Variants in SLC25A21 observed in about 807,000 individuals in gnomAD.
SLC25A21 encodes solute carrier family 25 member 21, also known as mitochondrial 2-oxodicarboxylate carrier.
SLC25A21 carries 47 observed loss-of-function variants against 43.8 expected under a neutral mutation model. That is an observed-to-expected ratio of 1.07 (90% confidence interval 0.85 to 1.37). The LOEUF is 1.37. SLC25A21 is among the 40% of genes most tolerant of loss of function. The probability of loss-of-function intolerance (pLI) is 0.00; values close to 1 mark genes in which losing one functional copy is unlikely to be tolerated. For missense variants in SLC25A21, 352 were observed against 350.2 expected (o/e 1.00, Z -0.04); for synonymous variants, 131 against 121.3 (o/e 1.08, Z -0.52).
intron 3 of SLC25A21, among the ~76,000 whole-genome samples, chr14:36,739,060 C>A (rs1025814310): frequency 6.6e-6 from 1 of 152,082 alleles, no homozygotes; most frequent in Admixed American, 6.5e-5. Flanking sequence ...CCAGGCTATA[C>A]TGTATAGCTT....
chr14:36,680,493 T>C lies in SLC25A21; in HGVS notation c.*165A>G, dbSNP rs2139132012. Reference sequence around the variant, plus strand: ...TTTATTTATACAGCCAAAACTATAATCTCAAGTTGCCTATAGACATTTTTT... The same window carrying C: ...TTTATTTATACAGCCAAAACTATAACCTCAAGTTGCCTATAGACATTTTTT... On this transcript the variant is annotated 3_prime_UTR_variant, in exon 10 of 10. Coordinates refer to ENST00000331299, the MANE Select transcript of SLC25A21 (RefSeq NM_030631.4). 2 of 1,253,172 alleles carry C rather than the reference T, an allele frequency of 1.6e-6. No homozygotes were observed. The highest frequency in any genetic ancestry group is 3.1e-5 in the East Asian group (1 of 32,776). 77.6% of individuals were successfully genotyped at this position (1,253,172 alleles called of 1,614,324 possible).
chr14:37,086,537 A>G (rs1962490061), intron 1 of SLC25A21, among the ~76,000 whole-genome samples: 1 of 152,198 alleles, frequency 6.6e-6, no homozygotes, highest in Non-Finnish European at 1.5e-5. Flanking sequence ...ATCCTCAACT[A>G]CTTAACCAAA....
intron 1 of SLC25A21, among the ~76,000 whole-genome samples, chr14:37,031,700 C>A (rs1409547176): frequency 6.6e-6 from 1 of 152,128 alleles, no homozygotes; most frequent in African/African-American, 2.4e-5. Flanking sequence ...GTAAAATATT[C>A]ACTCCTACTT....
intron 1 of SLC25A21, among the ~76,000 whole-genome samples, chr14:37,028,232 A>T (rs1961135313): frequency 6.6e-6 from 1 of 152,106 alleles, no homozygotes; most frequent in Admixed American, 6.6e-5. Context: ...CAACATTGGT[A>T]TACCAATAGT....
chr14:36,816,536 C>T (rs1888462829), intron 2 of SLC25A21, among the ~76,000 whole-genome samples: 1 of 144,252 alleles, frequency 6.9e-6, no homozygotes, highest in South Asian at 2.2e-4. Flanking sequence ...CTTGCTCTGT[C>T]CCCAGGGTGG....
chr14:37,127,095 A>C (rs572704732), intron 1 of SLC25A21, among the ~76,000 whole-genome samples: 1 of 152,296 alleles, frequency 6.6e-6, no homozygotes, highest in African/African-American at 2.4e-5. Context: ...AAAAAGAAGA[A>C]AGTGATAGAG....
chr14:36,899,407 A>C (rs892150176), intron 1 of SLC25A21, among the ~76,000 whole-genome samples: 1 of 152,224 alleles, frequency 6.6e-6, no homozygotes, highest in African/African-American at 2.4e-5. Flanking sequence ...TAGGGTTTCA[A>C]CCTACTCTTG....
chr14:36,786,496 CAGG>C (rs1373389461), intron 3 of SLC25A21, among the ~76,000 whole-genome samples: 2 of 152,208 alleles, frequency 1.3e-5, no homozygotes, highest in Non-Finnish European at 2.9e-5. Context: ...GACAACTAGT[CAGG>C]AGATTTGCTG....
intron 3 of SLC25A21, among the ~76,000 whole-genome samples, chr14:36,748,012 A>T (rs1885563746): frequency 6.6e-6 from 1 of 152,218 alleles, no homozygotes; most frequent in Admixed American, 6.5e-5. Context: ...TACAATTATT[A>T]TCCCATTCAA....
At chr14:36,867,556 T>G (rs181036228) in intron 2 of SLC25A21, among the ~76,000 whole-genome samples, 101 of 152,254 alleles carry the variant, frequency 6.6e-4, no homozygotes, top group Non-Finnish European at 7.5e-4. Flanking sequence ...CCAAGGCTCT[T>G]CTGCCCAGAA....
chr14:36,764,680 C>A (rs1179761177), intron 3 of SLC25A21, among the ~76,000 whole-genome samples: 2 of 151,460 alleles, frequency 1.3e-5, no homozygotes, highest in Non-Finnish European at 2.9e-5. Context: ...TGGCTTAGGA[C>A]CCAGCATGCT....
At chr14:37,002,968 G>C (rs1053191201) in intron 1 of SLC25A21, among the ~76,000 whole-genome samples, 1 of 152,092 alleles carries the variant, frequency 6.6e-6, no homozygotes, top group African/African-American at 2.4e-5. Flanking sequence ...TCTTCTTAGG[G>C]TATACCCAAC....
intron 1 of SLC25A21, among the ~76,000 whole-genome samples, chr14:37,026,972 CA>C (rs1460329002): frequency 1.3e-5 from 2 of 152,096 alleles, no homozygotes; most frequent in Non-Finnish European, 2.9e-5. Flanking sequence ...ACGGTGCTAA[CA>C]ATTCTAAGAA....
At chr14:36,684,479 T>C (rs1156455766) in intron 8 of SLC25A21, among the ~76,000 whole-genome samples, 1 of 152,234 alleles carries the variant, frequency 6.6e-6, no homozygotes, top group East Asian at 1.9e-4. Context: ...TATACAATAC[T>C]ACATTATACA....
chr14:37,148,583 A>G (rs1963707221), intron 1 of SLC25A21, among the ~76,000 whole-genome samples: 2 of 152,214 alleles, frequency 1.3e-5, no homozygotes, highest in Admixed American at 1.3e-4. Flanking sequence ...CCATATTTCT[A>G]TATGGTTACA....
chr14:36,971,574 A>G lies in SLC25A21; in HGVS notation c.71-96570T>C, dbSNP rs555090343. Among the ~76,000 whole-genome samples, 15 of 152,074 alleles carry G rather than the reference A, an allele frequency of 9.9e-5. No homozygotes were observed. In the South Asian group the frequency reaches 2.9e-3, roughly 30 times the overall value. On this transcript the variant is annotated intron_variant, in intron 1 of 9. Transcript: ENST00000331299. ...AGACACCACCTCCTCAAGCCTCCCTATAAAATCTGCTATGGTCCGCTGCTC... is the reference window on the plus strand; with the variant it reads ...AGACACCACCTCCTCAAGCCTCCCTGTAAAATCTGCTATGGTCCGCTGCTC...
At chr14:36,999,479 T>C (rs1391088106) in intron 1 of SLC25A21, among the ~76,000 whole-genome samples, 1 of 152,142 alleles carries the variant, frequency 6.6e-6, no homozygotes, top group East Asian at 1.9e-4. Flanking sequence ...CCATAGAATG[T>C]ACAACACGAA....
intron 1 of SLC25A21, among the ~76,000 whole-genome samples, chr14:36,973,800 G>A (rs934772404): frequency 1.3e-5 from 2 of 152,154 alleles, no homozygotes; most frequent in Non-Finnish European, 2.9e-5. Flanking sequence ...AAAGCTCACA[G>A]GAAAAGGGGG....
Position 36,800,297 on chromosome 14 carries a change from G to A in SLC25A21, c.203+13621C>T, listed in dbSNP as rs536546229. ...GTGTTCATAGCAGCATTACTCCCAAGAGCCAAAAGGTGGAGGCAGCCCAAG... is the reference window on the plus strand; with the variant it reads ...GTGTTCATAGCAGCATTACTCCCAAAAGCCAAAAGGTGGAGGCAGCCCAAG... On this transcript the variant is annotated intron_variant, in intron 3 of 9. Coordinates refer to ENST00000331299, the MANE Select transcript of SLC25A21 (RefSeq NM_030631.4). Among the ~76,000 whole-genome samples, 13 of 152,248 alleles carry A rather than the reference G, an allele frequency of 8.5e-5. No individual in the cohort carries two copies. The South Asian group carries it at 1.0e-3, about 12-fold the overall frequency.
Sources: allele counts gnomAD v4.1 joint callset (sites outside exome capture counted in the v4.1 genomes callset), GRCh38; gene constraint gnomAD v4.1.1; transcripts MANE v1.5; gene names NCBI Gene and HGNC (gene_info 2026-07-23, HGNC 2026-07-21).